The following TTLL7 variants were observed in gnomAD, a reference collection of about 807,000 sequenced individuals.
TTLL7 encodes tubulin polyglutamylase TTLL7.
Under a neutral mutation model 120.2 loss-of-function variants are expected in TTLL7, and 53 were observed. That is an observed-to-expected ratio of 0.44 (90% CI 0.35 to 0.55). The LOEUF (loss-of-function observed/expected upper bound fraction) is 0.55. Among genes scored for constraint, TTLL7 ranks in the 20% least tolerant of loss-of-function variants. TTLL7 has a pLI of 0.00. For missense variants in TTLL7, 803 were observed against 1,054.7 expected (o/e 0.76, Z 3.31); for synonymous variants, 353 against 351.7 (o/e 1.00, Z -0.04).
chr1:83,942,823 A>G (rs1648101308), intron 6 of TTLL7, 144 bp from the exon 7 acceptor site: 1 of 615,146 alleles, frequency 1.6e-6, no homozygotes, highest in Non-Finnish European at 2.8e-6. Flanking sequence ...AGCAAAAGAA[A>G]TTATAGGAAT....
chr1:83,892,326 ATG>A (rs1655593151), intron 18 of TTLL7, among the ~76,000 whole-genome samples: 1 of 32,516 alleles, frequency 3.1e-5, no homozygotes, highest in Non-Finnish European at 6.5e-5. Flanking sequence ...ATGAATATAT[ATG>A]TATATATGAA....
Position 83,904,179 on chromosome 1 carries a change from T to A in TTLL7, c.2128-20A>T, listed in dbSNP as rs1417772006. On this transcript the variant is annotated intron_variant, in intron 17 of 20. Coordinates refer to ENST00000260505, the MANE Select transcript of TTLL7 (RefSeq NM_024686.6). ...AATGATCTGTTTGGAAGGAGGAACA[T>A]TAAGAAATTTACAGGTTGAAACCCA... 6.3e-7 allele frequency: 1 copy of A among 1,591,602 alleles called. No individual in the cohort carries two copies. The highest frequency in any genetic ancestry group is 1.7e-5 in the Admixed American group (1 of 58,156).
At chr1:83,916,118 T>G (rs960201132) in intron 14 of TTLL7, among the ~76,000 whole-genome samples, 2 of 152,202 alleles carry the variant, frequency 1.3e-5, no homozygotes, top group Non-Finnish European at 2.9e-5. Context: ...AAATACCATT[T>G]GACCCAGCCA....
At chr1:83,916,739 C>T (rs1195450571) in intron 14 of TTLL7, among the ~76,000 whole-genome samples, 2 of 151,786 alleles carry the variant, frequency 1.3e-5, no homozygotes, top group African/African-American at 4.8e-5. Context: ...AAAAAAAAAT[C>T]CAAGATTTTT....
At chr1:83,900,153 G>A in intron 18 of TTLL7, 1 of 447,958 alleles carries the variant, frequency 2.2e-6, no homozygotes, top group Non-Finnish European at 4.5e-6. Context: ...AAACAGAATA[G>A]CACTGTCTTA....
intron 18 of TTLL7, among the ~76,000 whole-genome samples, chr1:83,903,179 C>T (rs1656872741): frequency 6.6e-6 from 1 of 151,966 alleles, no homozygotes; most frequent in Non-Finnish European, 1.5e-5. Flanking sequence ...CCTATCTGTC[C>T]AACCTTATCT....
At chr1:83,879,190 C>T (rs1654223770) in intron 20 of TTLL7, among the ~76,000 whole-genome samples, 2 of 151,622 alleles carry the variant, frequency 1.3e-5, no homozygotes, top group African/African-American at 4.8e-5. Context: ...CTAAAGAGTC[C>T]GTTTCTTACC....
At chr1:83,876,897 C>A (rs992065734) in intron 20 of TTLL7, among the ~76,000 whole-genome samples, 1 of 151,822 alleles carries the variant, frequency 6.6e-6, no homozygotes, top group African/African-American at 2.4e-5. Context: ...CCTTTTATTT[C>A]TTTTGTCTCA....
At chr1:83,874,610 A>G (rs1465821221) in intron 20 of TTLL7, among the ~76,000 whole-genome samples, 1 of 152,028 alleles carries the variant, frequency 6.6e-6, no homozygotes, top group Non-Finnish European at 1.5e-5. Context: ...GAGAAATCCA[A>G]CTTCTCCACA....
intron 19 of TTLL7, chr1:83,887,193 G>T: frequency 2.7e-6 from 3 of 1,124,394 alleles, no homozygotes; most frequent in Non-Finnish European, 3.3e-6. Context: ...TTATTATTGG[G>T]AATGTTGACA....
intron 19 of TTLL7, chr1:83,887,228 G>A (rs1476251524): frequency 4.2e-6 from 5 of 1,190,998 alleles, no homozygotes; most frequent in Non-Finnish European, 5.3e-6. Flanking sequence ...TCAAGGCCTT[G>A]GATTCTTGGA....
intron 10 of TTLL7, among the ~76,000 whole-genome samples, chr1:83,926,113 C>CAA (rs35184491): frequency 0.15 from 19,205 of 126,898 alleles, 1,726 homozygotes; most frequent in Non-Finnish European, 0.22. Context: ...GACTCTGTCT[C>CAA]AAAAAAAAAA....
intron 1 of TTLL7, among the ~76,000 whole-genome samples, chr1:83,977,468 T>C (rs1026706191): frequency 6.6e-6 from 1 of 152,162 alleles, no homozygotes; most frequent in Non-Finnish European, 1.5e-5. Context: ...TTTTTTTTGT[T>C]TCAAATTGTG....
At chr1:83,896,415 C>G (rs1656229611) in intron 18 of TTLL7, among the ~76,000 whole-genome samples, 3 of 152,042 alleles carry the variant, frequency 2.0e-5, no homozygotes, top group Admixed American at 2.0e-4. Context: ...CAAAAGCATA[C>G]AGATGTTGAA....
chr1:83,892,675 CATATGAACATAT>C (rs776581278), intron 18 of TTLL7, among the ~76,000 whole-genome samples: 30 of 142,958 alleles, frequency 2.1e-4, no homozygotes, highest in African/African-American at 4.2e-4. Flanking sequence ...TATATATGAA[CATATGAACATAT>C]ATATGAACAT....
intron 3 of TTLL7, among the ~76,000 whole-genome samples, chr1:83,950,916 A>G (rs1259151810): frequency 6.6e-6 from 1 of 152,190 alleles, no homozygotes; most frequent in Non-Finnish European, 1.5e-5. Flanking sequence ...CTGGCTCACA[A>G]GCAGAAAACA....
intron 14 of TTLL7, among the ~76,000 whole-genome samples, chr1:83,917,350 C>A (rs542060421): frequency 1.6e-4 from 25 of 152,178 alleles, no homozygotes; most frequent in Admixed American, 1.4e-3. Context: ...AGTACTAGCT[C>A]TTGGGTCCCT....
At chr1:83,941,148 T>C (rs141323329) in intron 7 of TTLL7, among the ~76,000 whole-genome samples, 422 of 152,316 alleles carry the variant, frequency 2.8e-3, no homozygotes, top group African/African-American at 9.6e-3. Flanking sequence ...GATTTCAATT[T>C]ATACAACACT....
intron 20 of TTLL7, among the ~76,000 whole-genome samples, chr1:83,879,247 T>C (rs1654228178): frequency 6.6e-6 from 1 of 152,016 alleles, no homozygotes; most frequent in Admixed American, 6.6e-5. Flanking sequence ...GTTAAATTAA[T>C]GTGACATTGA....
Sources: allele counts gnomAD v4.1 joint callset (sites outside exome capture counted in the v4.1 genomes callset), GRCh38; gene constraint gnomAD v4.1.1; transcripts MANE v1.5; gene names NCBI Gene and HGNC (gene_info 2026-07-23, HGNC 2026-07-21).